CMTM3: variants seen among roughly 807,000 people sequenced by gnomAD.
CMTM3 encodes CKLF like MARVEL transmembrane domain containing 3.
A neutral mutation model predicts 18.2 loss-of-function variants in CMTM3; 7 were observed. The observed-to-expected ratio is 0.38, with a 90% CI of 0.22 to 0.72. The LOEUF is 0.72. Ranked by LOEUF, CMTM3 falls within the 30% of genes least tolerant of loss-of-function variation. The pLI, the probability that CMTM3 is intolerant of heterozygous loss-of-function variation, is 0.46. For missense variants in CMTM3, 227 were observed against 249.2 expected (o/e 0.91, Z 0.60); for synonymous variants, 109 against 111.2 (o/e 0.98, Z 0.12).
chr16:66,609,446 CTG>C lies in CMTM3; in HGVS notation c.319_320del (p.Val107HisfsTer39). On this transcript the variant is annotated frameshift_variant, in exon 3 of 5. Transcript: ENST00000567572. LOFTEE classifies it high-confidence loss of function. The surrounding 1 kb of genome is among the most constrained non-coding windows in gnomAD (Gnocchi z 4.4). The part of the protein sequence containing the change: ...LCWPMMDFLR[C>X]VTAALIYFAI... ...CCCTCTCTCCCCAGGACTTCCTGCG[CTG>C]TGTCACCGCGGCCCTCATCTACTTT... 1 of 1,612,888 alleles carries C rather than the reference CTG, an allele frequency of 6.2e-7. No individual in the cohort carries two copies.
rs1012282643 is a variant in CMTM3, at chr16:66,609,212, A to G, written c.304-223A>G. On this transcript the variant is annotated intron_variant, in intron 2 of 4. Transcript: ENST00000567572. The surrounding 1 kb of genome is among the most constrained non-coding windows in gnomAD (Gnocchi z 4.4). ...CAGTTTTTTGCCCAGAGCTTAGGAC[A>G]GCAGCCCCGCTGGACCCGGGATAGG... Among the ~76,000 whole-genome samples the G allele has an allele frequency of 2.0e-5, 3 of 152,348 alleles. No homozygotes were observed. The highest frequency in any genetic ancestry group is 4.1e-4 in the South Asian group (2 of 4,828).
chr16:66,609,593 G>A lies in CMTM3; in HGVS notation c.399+63G>A. 7.2e-6 allele frequency: 11 copies of A among 1,530,818 alleles called. No homozygotes were observed. Among genetic ancestry groups the A allele is most frequent in the Non-Finnish European group, 8.9e-6 (10 of 1,129,338 alleles). 94.8% of individuals were successfully genotyped at this position (1,530,818 alleles called of 1,614,324 possible). ...CCCCTCTAGCCCCTCATTTAGGGTG[G>A]GACCTGGGGCAGAGCCTTTCCCTGC... On this transcript the variant is annotated intron_variant, in intron 3 of 4. Coordinates refer to ENST00000567572, the MANE Select transcript of CMTM3 (RefSeq NM_181553.4). This position sits in a 1 kb window ranked among gnomAD's most constrained non-coding sequence, Gnocchi z 4.4.
At chr16:66,607,325 TACAGCTGGCCCCACCTTTC>T (rs1266769856) in intron 1 of CMTM3, among the ~76,000 whole-genome samples, 5 of 152,238 alleles carry the variant, frequency 3.3e-5, no homozygotes, top group Non-Finnish European at 7.3e-5. Flanking sequence ...GTAGTTCAAG[TACAGCTGGCCCCACCTTTC>T]ACAGCTGGCC....
Position 66,609,830 on chromosome 16 carries a change from C to T in CMTM3, c.400-53C>T, listed in dbSNP as rs780691385. On this transcript the variant is annotated intron_variant, in intron 3 of 4. Coordinates refer to ENST00000567572, the MANE Select transcript of CMTM3 (RefSeq NM_181553.4). This position sits in a 1 kb window ranked among gnomAD's most constrained non-coding sequence, Gnocchi z 4.4. ...TGGGCCGTGAGGCTGGGGCAGCAGCCTCCCGGAGCAGGGAGTCAGCCCTGT... is the reference window on the plus strand; with the variant it reads ...TGGGCCGTGAGGCTGGGGCAGCAGCTTCCCGGAGCAGGGAGTCAGCCCTGT... The T allele has an allele frequency of 1.4e-5, 22 of 1,614,042 alleles. No individual in the cohort carries two copies. The African/African-American group carries it at 2.0e-4, about 15-fold the overall frequency.
In CMTM3 at chr16:66,605,995, C is replaced by G. The variant is rs900717233; in HGVS notation, c.147+1043C>G. 6.6e-6 allele frequency among the ~76,000 whole-genome samples: 1 copy of G among 152,018 alleles called. No individual in the cohort carries two copies. Among genetic ancestry groups the G allele is most frequent in the African/African-American group, 2.4e-5 (1 of 41,396 alleles). Reference sequence around the variant, plus strand: ...GGGAGCCACTTGAGGGGAGAAGCCTCGAATCCACCGTCCCCAGAGTGGCTT... The same window carrying G: ...GGGAGCCACTTGAGGGGAGAAGCCTGGAATCCACCGTCCCCAGAGTGGCTT... On this transcript the variant is annotated intron_variant, in intron 1 of 4. Coordinates refer to ENST00000567572, the MANE Select transcript of CMTM3 (RefSeq NM_181553.4). The surrounding 1 kb of genome is among the most constrained non-coding windows in gnomAD (Gnocchi z 4.6).
rs909736348 is a variant in CMTM3, at chr16:66,608,175, C to T, written c.148-134C>T. The stretch of plus-strand genomic sequence containing the variant: ...ATTCTAATCTGGCTCTGCCACTTCC[C>T]AGCTGCGGGACTGTGAGCAGTTGGC... On this transcript the variant is annotated intron_variant, in intron 1 of 4. Coordinates refer to ENST00000567572, the MANE Select transcript of CMTM3 (RefSeq NM_181553.4). The surrounding 1 kb of genome is among the most constrained non-coding windows in gnomAD (Gnocchi z 5.1). 25 of 921,274 alleles carry T rather than the reference C, an allele frequency of 2.7e-5. 1 individual carries two copies. Among genetic ancestry groups the T allele is most frequent in the Non-Finnish European group, 3.4e-6 (2 of 595,832 alleles). The allele number at this position is 921,274 out of a possible 1,614,324, so 57.1% of individuals were successfully genotyped here.
In CMTM3 at chr16:66,608,516, TGAG is replaced by T. The variant is rs1341034465; in HGVS notation, c.303+56_303+58del. 6.3e-7 allele frequency: 1 copy of T among 1,591,192 alleles called. No individual in the cohort carries two copies. The highest frequency in any genetic ancestry group is 8.6e-7 in the Non-Finnish European group (1 of 1,165,104). Reference sequence around the variant, plus strand: ...GGGTGCCCTGCACAAAGTGGCCAGATGAGGAGTCCAGAGTCGTGCACTTGGGCC... The same window carrying T: ...GGGTGCCCTGCACAAAGTGGCCAGATGAGTCCAGAGTCGTGCACTTGGGCC... On this transcript the variant is annotated intron_variant, in intron 2 of 4. Transcript: ENST00000567572. This position sits in a 1 kb window ranked among gnomAD's most constrained non-coding sequence, Gnocchi z 5.1.
intron 1 of CMTM3, among the ~76,000 whole-genome samples, chr16:66,606,535 G>T (rs1476866169): frequency 6.6e-6 from 1 of 152,178 alleles, no homozygotes; most frequent in African/African-American, 2.4e-5. Context: ...CAGTTCATTT[G>T]TCTGAAGCAG....
upstream of CMTM3, chr16:66,604,640 G>C (rs371464011): frequency 1.6e-3 from 761 of 482,344 alleles, 10 homozygotes; most frequent in East Asian, 0.013. Context: ...GGGAGGGGCG[G>C]GCTGGAGGAG....
rs2015090445 is a variant in CMTM3, at chr16:66,605,156, C to A, written c.147+204C>A. The stretch of plus-strand genomic sequence containing the variant: ...TGGACGGCGGGGCGGGGCCCGAGCC[C>A]AGGCCATCCGCGGCGCTGTCCCCGC... On this transcript the variant is annotated intron_variant, in intron 1 of 4. Coordinates refer to ENST00000567572, the MANE Select transcript of CMTM3 (RefSeq NM_181553.4). The surrounding 1 kb of genome is among the most constrained non-coding windows in gnomAD (Gnocchi z 4.6). 2.2e-6 allele frequency: 1 copy of A among 462,722 alleles called. No individual in the cohort carries two copies. Among genetic ancestry groups the A allele is most frequent in the Non-Finnish European group, 3.7e-6 (1 of 271,566 alleles). The allele number at this position is 462,722 out of a possible 1,614,324, so 28.7% of individuals were successfully genotyped here. A position where few individuals can be genotyped will look rare whatever the true frequency, so the allele number is the denominator to read the frequency against.
At position 66,610,198 on chromosome 16, in the gene CMTM3, C is replaced by A; in HGVS notation, c.520+195C>A. ...GTCCCATTCGCCTCGTGCACCCTCACCCCAGCCTTTCTAGGAGGGGCAAGC... is the reference window on the plus strand; with the variant it reads ...GTCCCATTCGCCTCGTGCACCCTCAACCCAGCCTTTCTAGGAGGGGCAAGC... On this transcript the variant is annotated intron_variant, in intron 4 of 4. Coordinates refer to ENST00000567572, the MANE Select transcript of CMTM3 (RefSeq NM_181553.4). This position sits in a 1 kb window ranked among gnomAD's most constrained non-coding sequence, Gnocchi z 4.6. The A allele has an allele frequency of 1.5e-6, 1 of 688,646 alleles. No homozygotes were observed. Among genetic ancestry groups the A allele is most frequent in the Non-Finnish European group, 2.4e-6 (1 of 418,012 alleles). The allele number at this position is 688,646 out of a possible 1,614,324, so 42.7% of individuals were successfully genotyped here. A position where few individuals can be genotyped will look rare whatever the true frequency, so the allele number is the denominator to read the frequency against.
rs371391176 is a variant in CMTM3 at position 66,608,295 on chromosome 16, C to A, written c.148-14C>A. ...GAAAAGGCTCTGACTTCACCTCAAACTCCTTCCCCGCAGGGTCTCTCATTC... is the reference window on the plus strand; with the variant it reads ...GAAAAGGCTCTGACTTCACCTCAAAATCCTTCCCCGCAGGGTCTCTCATTC... On this transcript the variant is annotated splice_polypyrimidine_tract_variant and intron_variant, in intron 1 of 4. Coordinates refer to ENST00000567572, the MANE Select transcript of CMTM3 (RefSeq NM_181553.4). This position sits in a 1 kb window ranked among gnomAD's most constrained non-coding sequence, Gnocchi z 5.1. The A allele has an allele frequency of 4.6e-5, 75 of 1,613,796 alleles. No homozygotes were observed. Among genetic ancestry groups the A allele is most frequent in the Non-Finnish European group, 5.9e-5 (70 of 1,179,854 alleles).
chr16:66,613,162 C>T lies in CMTM3; in HGVS notation c.*525C>T. The T allele has an allele frequency of 1.4e-6, 1 of 702,550 alleles. No individual in the cohort carries two copies. Among genetic ancestry groups the T allele is most frequent in the Non-Finnish European group, 2.6e-6 (1 of 384,836 alleles). The allele number at this position is 702,550 out of a possible 1,614,324, so 43.5% of individuals were successfully genotyped here. ...CTTTGGTTCAAGGAGCACCAGTTCC[C>T]TCTTCATTCTTGAAGCAGGGAGAAA... On this transcript the variant is annotated 3_prime_UTR_variant, in exon 5 of 5. Coordinates refer to ENST00000567572, the MANE Select transcript of CMTM3 (RefSeq NM_181553.4).
Position 66,605,457 on chromosome 16 carries a change from C to G in CMTM3, c.147+505C>G, listed in dbSNP as rs2015109533. On this transcript the variant is annotated intron_variant, in intron 1 of 4. Coordinates refer to ENST00000567572, the MANE Select transcript of CMTM3 (RefSeq NM_181553.4). The surrounding 1 kb of genome is among the most constrained non-coding windows in gnomAD (Gnocchi z 4.6). Reference sequence around the variant, plus strand: ...GCGGCCCCGCGGTGACTTCATCGCCCTCCTCCCCTCCGCGGCCGGGCTCCT... The same window carrying G: ...GCGGCCCCGCGGTGACTTCATCGCCGTCCTCCCCTCCGCGGCCGGGCTCCT... 6.5e-6 allele frequency: 1 copy of G among 152,920 alleles called. No individual in the cohort carries two copies. The highest frequency in any genetic ancestry group is 2.0e-4 in the South Asian group (1 of 4,946). The allele number at this position is 152,920 out of a possible 1,614,324, so 9.5% of individuals were successfully genotyped here. A position where few individuals can be genotyped will look rare whatever the true frequency, so the allele number is the denominator to read the frequency against.
chr16:66,608,472 C>A lies in CMTM3; in HGVS notation c.303+8C>A. The stretch of plus-strand genomic sequence containing the variant: ...TTGTGCTGGCCCATGATGGTGAGGA[C>A]AGGGGCCCCAGGAGGGAGGGGTGCC... On this transcript the variant is annotated splice_region_variant and intron_variant, in intron 2 of 4. Transcript: ENST00000567572. The surrounding 1 kb of genome is among the most constrained non-coding windows in gnomAD (Gnocchi z 5.1). 1 of 1,613,286 alleles carries A rather than the reference C, an allele frequency of 6.2e-7. No individual in the cohort carries two copies. Among genetic ancestry groups the A allele is most frequent in the Non-Finnish European group, 8.5e-7 (1 of 1,179,982 alleles).
Position 66,610,479 on chromosome 16 carries a change from C to T in CMTM3, c.520+476C>T, listed in dbSNP as rs1490603811. ...GAGGGGCCAGATGGGGCAGCAATGA[C>T]GACAGTAAAACAGGAGCCGATAGAG... is the stretch of plus-strand genomic sequence containing the variant. On this transcript the variant is annotated intron_variant, in intron 4 of 4. Coordinates refer to ENST00000567572, the MANE Select transcript of CMTM3 (RefSeq NM_181553.4). The surrounding 1 kb of genome is among the most constrained non-coding windows in gnomAD (Gnocchi z 4.6). Among the ~76,000 whole-genome samples, 4 of 152,114 alleles carry T rather than the reference C, an allele frequency of 2.6e-5. No individual in the cohort carries two copies. The highest frequency in any genetic ancestry group is 4.4e-5 in the Non-Finnish European group (3 of 68,034).
rs1170158421 is a variant in CMTM3 at position 66,609,701 on chromosome 16, G to A, written c.399+171G>A. The A allele has an allele frequency of 6.5e-7, 1 of 1,547,340 alleles. No homozygotes were observed. The highest frequency in any genetic ancestry group is 1.4e-5 in the African/African-American group (1 of 73,076). ...AAAGACTGACTCTACCCGGGGTTTT[G>A]AAAGGCTGTTTGTCAAACCAAGTTC... On this transcript the variant is annotated intron_variant, in intron 3 of 4. Coordinates refer to ENST00000567572, the MANE Select transcript of CMTM3 (RefSeq NM_181553.4). This position sits in a 1 kb window ranked among gnomAD's most constrained non-coding sequence, Gnocchi z 4.4.
At position 66,613,033 on chromosome 16, in the gene CMTM3, C is replaced by A. The variant is rs529919822; in HGVS notation, c.*396C>A. On this transcript the variant is annotated 3_prime_UTR_variant, in exon 5 of 5. Coordinates refer to ENST00000567572, the MANE Select transcript of CMTM3 (RefSeq NM_181553.4). Reference sequence around the variant, plus strand: ...TCTGTTTCACTAACAGGAACAAAGACAGAAACCATGACAGGGCTGCCCCGC... The same window carrying A: ...TCTGTTTCACTAACAGGAACAAAGAAAGAAACCATGACAGGGCTGCCCCGC... The A allele has an allele frequency of 8.3e-5, 58 of 702,956 alleles. No homozygotes were observed. Among genetic ancestry groups the A allele is most frequent in the African/African-American group, 8.0e-4 (46 of 57,380 alleles). The allele number at this position is 702,956 out of a possible 1,614,324, so 43.5% of individuals were successfully genotyped here. A position where few individuals can be genotyped will look rare whatever the true frequency, so the allele number is the denominator to read the frequency against.
Position 66,608,555 on chromosome 16 carries a change from C to A in CMTM3, c.303+91C>A. 1 of 1,322,930 alleles carries A rather than the reference C, an allele frequency of 7.6e-7. No individual in the cohort carries two copies. The highest frequency in any genetic ancestry group is 1.0e-6 in the Non-Finnish European group (1 of 952,708). The allele number at this position is 1,322,930 out of a possible 1,614,324, so 81.9% of individuals were successfully genotyped here. On this transcript the variant is annotated intron_variant, in intron 2 of 4. Transcript: ENST00000567572. This position sits in a 1 kb window ranked among gnomAD's most constrained non-coding sequence, Gnocchi z 5.1. ...TCGTGCACTTGGGCCCTTATCCTTT[C>A]TCTAGTGTGCTGGAGTTTGCAGTTG...
Sources: allele counts gnomAD v4.1 joint callset (sites outside exome capture counted in the v4.1 genomes callset), GRCh38; gene constraint gnomAD v4.1.1; non-coding constraint Gnocchi (gnomAD v3.1); transcripts MANE v1.5; gene names NCBI Gene and HGNC (gene_info 2026-07-23, HGNC 2026-07-21).